NCK2: variants seen among roughly 807,000 people sequenced by gnomAD.
NCK2 encodes the protein NCK adaptor protein 2, also known as cytoplasmic protein NCK2.
NCK2 carries 16 observed loss-of-function variants against 33.9 expected under a neutral mutation model. The observed-to-expected ratio is 0.47, with a 90% CI of 0.32 to 0.72. The LOEUF (loss-of-function observed/expected upper bound fraction) is 0.72. Among genes scored for constraint, NCK2 ranks in the 30% least tolerant of loss-of-function variants. The pLI, the probability that NCK2 is intolerant of heterozygous loss-of-function variation, is 0.03. For synonymous variants in NCK2, 273 were observed against 239.9 expected (o/e 1.14, Z -1.27); for missense variants, 418 against 537.3 (o/e 0.78, Z 2.19).
At chr2:105,854,956 A>G in intron 2 of NCK2, 92 bp from the exon 3 acceptor site, 1 of 888,010 alleles carries the variant, frequency 1.1e-6, no homozygotes, top group Non-Finnish European at 1.8e-6. Context: ...AGTTGTAATA[A>G]AAGCTGTCAG....
intron 4 of NCK2, among the ~76,000 whole-genome samples, chr2:105,889,073 T>G (rs1558889561): frequency 1.3e-5 from 2 of 152,258 alleles, no homozygotes; most frequent in South Asian, 2.1e-4. Context: ...CTGCAACAGA[T>G]GAGAATAGGA....
At chr2:105,835,016 C>T (rs1356050540) in intron 2 of NCK2, among the ~76,000 whole-genome samples, 1 of 152,048 alleles carries the variant, frequency 6.6e-6, no homozygotes, top group Non-Finnish European at 1.5e-5. Flanking sequence ...AAGGCAAACT[C>T]TTGTAACTAT....
chr2:105,877,090 C>T (rs1678265041), intron 3 of NCK2, among the ~76,000 whole-genome samples: 1 of 152,148 alleles, frequency 6.6e-6, no homozygotes, highest in Non-Finnish European at 1.5e-5. Context: ...TAAGCCTGCC[C>T]CCATGTAAAG....
intron 3 of NCK2, among the ~76,000 whole-genome samples, chr2:105,859,334 A>G (rs1020999624): frequency 6.6e-6 from 1 of 152,150 alleles, no homozygotes; most frequent in African/African-American, 2.4e-5. Context: ...CAACCTGATC[A>G]TATCCTCAGG....
intron 3 of NCK2, among the ~76,000 whole-genome samples, chr2:105,865,833 A>C (rs1677728933): frequency 6.6e-6 from 1 of 152,124 alleles, no homozygotes; most frequent in Non-Finnish European, 1.5e-5. Flanking sequence ...ATTCCTCAGA[A>C]TCATAATCTC....
intron 1 of NCK2, among the ~76,000 whole-genome samples, chr2:105,749,437 G>C (rs1689383429): frequency 6.6e-6 from 1 of 152,340 alleles, no homozygotes; most frequent in African/African-American, 2.4e-5. Context: ...TGTTTGCAAA[G>C]TCCTCTTCAC....
In NCK2 at chr2:105,893,181, GC is replaced by G. The variant is rs1277523729; in HGVS notation, c.*9del. 3 of 1,578,738 alleles carry G rather than the reference GC, an allele frequency of 1.9e-6. No individual in the cohort carries two copies. Among genetic ancestry groups the G allele is most frequent in the African/African-American group, 2.7e-5 (2 of 74,288 alleles). On this transcript the variant is annotated 3_prime_UTR_variant, in exon 5 of 5. Coordinates refer to ENST00000233154, the MANE Select transcript of NCK2 (RefSeq NM_003581.5). ...CTCGTCAGGGCCCTGCAGTGACGGC[GC>G]CCCGGCCCCACACTCGCCTCCCGGG...
intron 1 of NCK2, among the ~76,000 whole-genome samples, chr2:105,779,993 T>G (rs1235373536): frequency 6.6e-6 from 1 of 152,206 alleles, no homozygotes; most frequent in Non-Finnish European, 1.5e-5. Context: ...GTGTGCTTCC[T>G]TGGGTTATTT....
intron 3 of NCK2, among the ~76,000 whole-genome samples, chr2:105,858,732 AGTACTTT>A (rs1178453965): frequency 6.6e-6 from 1 of 152,250 alleles, no homozygotes; most frequent in Non-Finnish European, 1.5e-5. Flanking sequence ...TGTCACATAC[AGTACTTT>A]GTTAAGAGTA....
chr2:105,760,953 G>A (rs1689746981), intron 1 of NCK2, among the ~76,000 whole-genome samples: 1 of 152,240 alleles, frequency 6.6e-6, no homozygotes, highest in South Asian at 2.1e-4. Flanking sequence ...TGAAGTGGGA[G>A]GGCAGTGGCC....
chr2:105,780,120 C>T (rs978082138), intron 1 of NCK2, among the ~76,000 whole-genome samples: 3 of 152,062 alleles, frequency 2.0e-5, no homozygotes, highest in Admixed American at 2.0e-4. Flanking sequence ...AGAAATGAAG[C>T]ATATTTCCTT....
chr2:105,755,460 C>T (rs768267551), intron 1 of NCK2, among the ~76,000 whole-genome samples: 2 of 152,164 alleles, frequency 1.3e-5, no homozygotes, highest in African/African-American at 4.8e-5. Context: ...TGGGTGCAGC[C>T]GATTCCGTCT....
chr2:105,745,620 G>T (rs748639099), intron 1 of NCK2: 3 of 152,494 alleles, frequency 2.0e-5, no homozygotes, highest in African/African-American at 7.2e-5. Context: ...GCGCAGGGAC[G>T]GGGGAGGCCG....
At chr2:105,784,675 T>G (rs1690612673) in intron 1 of NCK2, among the ~76,000 whole-genome samples, 2 of 152,192 alleles carry the variant, frequency 1.3e-5, no homozygotes. Context: ...CATAAAAGAT[T>G]CTCATTTAGT....
chr2:105,815,432 T>A (rs1675444545), intron 1 of NCK2, among the ~76,000 whole-genome samples: 1 of 152,214 alleles, frequency 6.6e-6, no homozygotes, highest in Non-Finnish European at 1.5e-5. Context: ...TTAATAGATC[T>A]TCTGTGAGTG....
At chr2:105,798,714 A>T (rs577608591) in intron 1 of NCK2, among the ~76,000 whole-genome samples, 6 of 152,344 alleles carry the variant, frequency 3.9e-5, no homozygotes, top group Admixed American at 1.3e-4. Flanking sequence ...AATGAAAATA[A>T]ACTGTGGGTG....
intron 1 of NCK2, among the ~76,000 whole-genome samples, chr2:105,750,442 C>G (rs1475680334): frequency 6.6e-6 from 1 of 152,180 alleles, no homozygotes; most frequent in African/African-American, 2.4e-5. Context: ...TTCAGCCACT[C>G]CCAGTGTGTC....
intron 4 of NCK2, 71 bp downstream of exon 4, chr2:105,882,120 C>T (rs761521907): frequency 2.1e-6 from 3 of 1,401,460 alleles, no homozygotes; most frequent in African/African-American, 2.9e-5. Context: ...CTGTGTGCCG[C>T]GCCCTTTTCA....
chr2:105,745,519 C>T (rs1268857528), intron 1 of NCK2, among the ~76,000 whole-genome samples: 1 of 152,036 alleles, frequency 6.6e-6, no homozygotes, highest in African/African-American at 2.4e-5. Context: ...GCGGCCGGCA[C>T]GGAGCTCGGG....
Sources: gnomAD v4.1 joint callset for allele counts (sites outside exome capture counted in the v4.1 genomes callset) on GRCh38, gnomAD v4.1.1 for gene constraint, MANE v1.5 for transcripts, NCBI Gene and HGNC (gene_info 2026-07-23, HGNC 2026-07-21) for gene names.